NEDD9: variants seen among roughly 807,000 people sequenced by gnomAD.
NEDD9 encodes neural precursor cell expressed, developmentally down-regulated 9.
A neutral mutation model predicts 76.6 loss-of-function variants in NEDD9; 26 were observed. The ratio of observed to expected loss-of-function variants is 0.34; its 90% CI spans 0.25 to 0.47. NEDD9 has a LOEUF of 0.47. Ranked by LOEUF, NEDD9 falls within the 20% of genes least tolerant of loss-of-function variation. The pLI, the probability that NEDD9 is intolerant of heterozygous loss-of-function variation, is 1.00. For missense variants in NEDD9, 937 were observed against 1,058.5 expected (o/e 0.89, Z 1.59); for synonymous variants, 392 against 414.2 (o/e 0.95, Z 0.65).
At chr6:11,226,262 T>TG (rs1206290753) in intron 1 of NEDD9, among the ~76,000 whole-genome samples, 2 of 152,130 alleles carry the variant, frequency 1.3e-5, no homozygotes, top group African/African-American at 4.8e-5. Flanking sequence ...AGGGTTTTTT[T>TG]TTGTGTGTGT....
chr6:11,253,767 G>T (rs1035788121), intron 3 of NEDD9, among the ~76,000 whole-genome samples: 7 of 152,168 alleles, frequency 4.6e-5, no homozygotes, highest in African/African-American at 1.7e-4. Context: ...GCAACATCAG[G>T]ATTCTATAAA....
At chr6:11,319,153 C>T (rs1761675202) in intron 2 of NEDD9, among the ~76,000 whole-genome samples, 1 of 152,248 alleles carries the variant, frequency 6.6e-6, no homozygotes, top group African/African-American at 2.4e-5. Flanking sequence ...ATTCCCCTGG[C>T]TCTTCTGCCC....
chr6:11,310,502 C>T (rs1761334532), intron 2 of NEDD9, among the ~76,000 whole-genome samples: 1 of 152,220 alleles, frequency 6.6e-6, no homozygotes, highest in African/African-American at 2.4e-5. Context: ...ACCACACACC[C>T]TGCAGATGGT....
At chr6:11,204,415 G>A (rs1284711205) in intron 2 of NEDD9, among the ~76,000 whole-genome samples, 1 of 152,154 alleles carries the variant, frequency 6.6e-6, no homozygotes, top group Non-Finnish European at 1.5e-5. Flanking sequence ...GAAGGAATTT[G>A]AAGTCATTTG....
chr6:11,344,379 TAA>T (rs1198993745), intron 1 of NEDD9, among the ~76,000 whole-genome samples: 3 of 152,188 alleles, frequency 2.0e-5, no homozygotes, highest in Non-Finnish European at 4.4e-5. Context: ...GGCGAAAGGC[TAA>T]GATAGGAGTG....
intron 3 of NEDD9, among the ~76,000 whole-genome samples, chr6:11,275,356 A>G (rs1355457824): frequency 6.6e-6 from 1 of 152,198 alleles, no homozygotes; most frequent in African/African-American, 2.4e-5. Flanking sequence ...TATAGTTAAT[A>G]GTAAAGTATT....
chr6:11,212,941 A>G (rs1406529667), intron 2 of NEDD9, among the ~76,000 whole-genome samples: 3 of 152,274 alleles, frequency 2.0e-5, no homozygotes, highest in Admixed American at 1.3e-4. Context: ...ATGAAGAAAC[A>G]GAAAAGATAG....
chr6:11,273,814 T>A (rs182034962), intron 3 of NEDD9, among the ~76,000 whole-genome samples: 1 of 152,340 alleles, frequency 6.6e-6, no homozygotes, highest in African/African-American at 2.4e-5. Context: ...GTGATTCAGA[T>A]GTCAAGATTA....
rs1758113718 is a variant in NEDD9 at position 11,190,605 on chromosome 6, T to A, written c.1264A>T (p.Met422Leu). ...AGTGCCATTAGGCTGGAGACACCCA[T>A]CTCAAGGGCCTGCTGGAGCCGCTGA... is the stretch of plus-strand genomic sequence containing the variant. ...RLQRLQQALE[M>L]GVSSLMALVT... Residue 422 changes from methionine to leucine, a missense_variant, in exon 5 of 7, where the codon ATG becomes TTG. Transcript: ENST00000379446. The surrounding 1 kb of genome is among the most constrained non-coding windows in gnomAD (Gnocchi z 5.8). The A allele has an allele frequency of 1.2e-6, 2 of 1,614,164 alleles. No homozygotes were observed. Among genetic ancestry groups the A allele is most frequent in the Non-Finnish European group, 1.7e-6 (2 of 1,180,028 alleles).
At chr6:11,350,300 G>T (rs1762442354) in intron 1 of NEDD9, among the ~76,000 whole-genome samples, 2 of 152,196 alleles carry the variant, frequency 1.3e-5, no homozygotes, top group Non-Finnish European at 2.9e-5. Flanking sequence ...TTAAGCCGTG[G>T]TTTTGACAAT....
At chr6:11,299,279 G>C (rs1053226386) in intron 3 of NEDD9, among the ~76,000 whole-genome samples, 9 of 152,172 alleles carry the variant, frequency 5.9e-5, no homozygotes, top group Non-Finnish European at 7.4e-5. Context: ...TGCAGCTTGA[G>C]GGGGGGAGGG....
intron 3 of NEDD9, among the ~76,000 whole-genome samples, chr6:11,266,321 G>C (rs1317587882): frequency 4.6e-5 from 7 of 152,002 alleles, no homozygotes; most frequent in Non-Finnish European, 1.0e-4. Context: ...GGGTGGATTC[G>C]GGGGAGGGGG....
At chr6:11,227,816 C>G (rs537792564) in intron 1 of NEDD9, among the ~76,000 whole-genome samples, 1 of 138,022 alleles carries the variant, frequency 7.2e-6, no homozygotes, top group South Asian at 2.4e-4. Context: ...AGGTGAAAAG[C>G]ATAACAGCCT....
At chr6:11,193,424 A>C (rs1477754498) in intron 3 of NEDD9, among the ~76,000 whole-genome samples, 167 bp downstream of exon 3, 1 of 152,232 alleles carries the variant, frequency 6.6e-6, no homozygotes, top group African/African-American at 2.4e-5. Flanking sequence ...TCCAGAAAAC[A>C]TAATTTAAAT....
Position 11,185,389 on chromosome 6 carries a change from C to T in NEDD9, c.2278G>A (p.Gly760Arg). 1 of 1,614,232 alleles carries T rather than the reference C, an allele frequency of 6.2e-7. No homozygotes were observed. The highest frequency in any genetic ancestry group is 8.5e-7 in the Non-Finnish European group (1 of 1,180,046). Residue 760 changes from glycine (G) to arginine (R), a missense_variant, in exon 7 of 7, where the codon GGA (glycine) becomes AGA (arginine). Physicochemically the swap from Gly to Arg is moderately radical, Grantham distance 125. Transcript: ENST00000379446. The stretch of plus-strand genomic sequence containing the variant: ...GTCACCTGCCGTGTCAGCGTGTCTC[C>T]AATGAACACCAGTTTGTGTGCACTG... ...ILSAHKLVFIGDTLTRQVTAQ... is the reference protein window; with the variant it reads ...ILSAHKLVFIRDTLTRQVTAQ...
intron 1 of NEDD9, among the ~76,000 whole-genome samples, chr6:11,374,087 T>TAC (rs1762931229): frequency 1.3e-5 from 2 of 151,956 alleles, no homozygotes; most frequent in South Asian, 2.1e-4. Flanking sequence ...TGTATATATA[T>TAC]ACACACACAC....
chr6:11,358,781 T>G (rs1762628267), intron 1 of NEDD9, among the ~76,000 whole-genome samples: 1 of 152,106 alleles, frequency 6.6e-6, no homozygotes, highest in Non-Finnish European at 1.5e-5. Flanking sequence ...GGATGAATGG[T>G]GGGTGGCGGA....
intron 1 of NEDD9, among the ~76,000 whole-genome samples, chr6:11,347,899 C>CTCTCACCACCCCT (rs999870336): frequency 2.0e-5 from 3 of 152,188 alleles, no homozygotes; most frequent in African/African-American, 7.2e-5. Flanking sequence ...AGGATGCCCT[C>CTCTCACCACCCCT]TCTCACCACT....
intron 3 of NEDD9, among the ~76,000 whole-genome samples, chr6:11,288,956 T>A (rs1397780795): frequency 2.0e-5 from 3 of 152,256 alleles, no homozygotes; most frequent in Non-Finnish European, 4.4e-5. Flanking sequence ...ATGTATTGAA[T>A]GTATGCATTT....
Sources: allele counts gnomAD v4.1 joint callset (sites outside exome capture counted in the v4.1 genomes callset), GRCh38; gene constraint gnomAD v4.1.1; non-coding constraint Gnocchi (gnomAD v3.1); transcripts MANE v1.5; gene names NCBI Gene and HGNC (gene_info 2026-07-23, HGNC 2026-07-21).